The following PLEKHG1 variants were observed in gnomAD, a reference collection of about 807,000 sequenced individuals.
PLEKHG1 encodes pleckstrin homology and RhoGEF domain containing G1.
In PLEKHG1, 44 loss-of-function variants were observed where a neutral mutation model predicts 100.8. That is an observed-to-expected ratio of 0.44 (90% CI 0.34 to 0.56). The LOEUF (loss-of-function observed/expected upper bound fraction) is 0.56. Among genes scored for constraint, PLEKHG1 ranks in the 20% least tolerant of loss-of-function variants. The pLI is 0.01. For synonymous variants in PLEKHG1, 640 were observed against 662.5 expected (o/e 0.97, Z 0.52); for missense variants, 1,545 against 1,720.9 (o/e 0.90, Z 1.81).
chr6:150,747,246 G>A (rs1348059685), intron 2 of PLEKHG1, among the ~76,000 whole-genome samples: 1 of 152,234 alleles, frequency 6.6e-6, no homozygotes, highest in East Asian at 1.9e-4. Context: ...GTTGGGAGAA[G>A]TTTCCCATGG....
At chr6:150,804,474 C>T (rs1480741688) in intron 6 of PLEKHG1, 136 bp from the exon 8 acceptor site, 16 of 666,794 alleles carry the variant, frequency 2.4e-5, no homozygotes, top group African/African-American at 5.7e-5. Flanking sequence ...CATGAGCCAC[C>T]GCACCCAGCT....
At chr6:150,782,369 G>A (rs564586040) in intron 3 of PLEKHG1, among the ~76,000 whole-genome samples, 1 of 152,202 alleles carries the variant, frequency 6.6e-6, no homozygotes, top group African/African-American at 2.4e-5. Flanking sequence ...ACTCCAGCTT[G>A]GGCAGCAGAG....
intron 1 of PLEKHG1, among the ~76,000 whole-genome samples, chr6:150,602,747 G>A (rs1582881071): frequency 2.0e-5 from 3 of 152,278 alleles, no homozygotes; most frequent in Admixed American, 2.0e-4. Flanking sequence ...TGTCAGAACT[G>A]TGATTTAACC....
At chr6:150,731,189 C>T (rs1174868789) in intron 1 of PLEKHG1, among the ~76,000 whole-genome samples, 4 of 152,244 alleles carry the variant, frequency 2.6e-5, no homozygotes, top group East Asian at 1.9e-4. Context: ...GGATTTTTGC[C>T]GCACCCAAGT....
At chr6:150,666,084 C>T (rs1280634612) in intron 3 of PLEKHG1, among the ~76,000 whole-genome samples, 1 of 152,158 alleles carries the variant, frequency 6.6e-6, no homozygotes, top group African/African-American at 2.4e-5. Flanking sequence ...AAAACAAAAG[C>T]ATAGCAACAG....
rs141731822 is a variant in PLEKHG1, at chr6:150,712,787, G to A, written c.-98-20797G>A. 2.2e-3 allele frequency among the ~76,000 whole-genome samples: 332 copies of A among 152,340 alleles called. 9 individuals carry two copies. In the South Asian group the frequency reaches 0.039, roughly 18 times the overall value. On this transcript the variant is annotated intron_variant, in intron 3 of 3. Coordinates refer to the PLEKHG1 transcript ENST00000367326. ...TAAACATAAGATGAAAGATGAGTCC[G>A]ACTGGGCTTATTCTCTAAGATTAGA...
At chr6:150,623,371 G>A (rs1464327242) in intron 1 of PLEKHG1, among the ~76,000 whole-genome samples, 1 of 152,166 alleles carries the variant, frequency 6.6e-6, no homozygotes, top group Non-Finnish European at 1.5e-5. Context: ...TAGCACCTGC[G>A]TCCTCCATCA....
intron 4 of PLEKHG1, among the ~76,000 whole-genome samples, chr6:150,792,005 A>G (rs896636991): frequency 3.9e-5 from 6 of 152,228 alleles, no homozygotes; most frequent in African/African-American, 1.4e-4. Context: ...TTATGTTAGC[A>G]TCATTGAGAA....
Position 150,831,150 on chromosome 6 carries a change from A to T in PLEKHG1, c.2039A>T (p.Glu680Val), listed in dbSNP as rs551917592. The change falls in exon 15 of 16, where the codon GAA (glutamate) becomes GTA (valine). Residue 680 changes from glutamate (E) to valine (V), a missense_variant. Physicochemically the swap from Glu to Val is moderately radical, Grantham distance 121. Coordinates refer to ENST00000358517, the Ensembl canonical transcript of PLEKHG1. This position sits in a 1 kb window ranked among gnomAD's most constrained non-coding sequence, Gnocchi z 4.1. ...ATGGTTGCTAAGCGGGAAGAAGCTGAATCCACTCCCTCTAAATCAGCCAGG... is the reference window on the plus strand; with the variant it reads ...ATGGTTGCTAAGCGGGAAGAAGCTGTATCCACTCCCTCTAAATCAGCCAGG... 1 of 1,613,992 alleles carries T rather than the reference A, an allele frequency of 6.2e-7. No individual in the cohort carries two copies. The highest frequency in any genetic ancestry group is 2.2e-5 in the East Asian group (1 of 44,882).
At chr6:150,708,508 C>G (rs993294343) in intron 3 of PLEKHG1, among the ~76,000 whole-genome samples, 2 of 152,136 alleles carry the variant, frequency 1.3e-5, no homozygotes. Flanking sequence ...GTAAATCAGT[C>G]AGTCATTCCA....
At chr6:150,629,112 G>A (rs1433468042) in intron 1 of PLEKHG1, among the ~76,000 whole-genome samples, 1 of 152,176 alleles carries the variant, frequency 6.6e-6, no homozygotes, top group Admixed American at 6.5e-5. Context: ...GATGACTTTG[G>A]TACACACAGG....
At chr6:150,717,403 T>C (rs1271718669), upstream of PLEKHG1, among the ~76,000 whole-genome samples, 2 of 151,866 alleles carry the variant, frequency 1.3e-5, no homozygotes, top group Non-Finnish European at 2.9e-5. Flanking sequence ...CTCGAACTTC[T>C]GGCCTCAAGT....
intron 11 of PLEKHG1, among the ~76,000 whole-genome samples, chr6:150,818,690 C>T (rs796085106): frequency 1.4e-4 from 22 of 152,296 alleles, no homozygotes; most frequent in African/African-American, 5.1e-4. Flanking sequence ...CTTACAAAAG[C>T]AGGAGAGAAT....
At position 150,804,606 on chromosome 6, in the gene PLEKHG1, T is replaced by G. The variant is rs1285530081; in HGVS notation, c.781-4T>G. On this transcript the variant is annotated splice_polypyrimidine_tract_variant and splice_region_variant and intron_variant, in intron 6 of 15. Transcript: ENST00000358517. The stretch of plus-strand genomic sequence containing the variant: ...AAAAAAACCCTCGTTCTTTTTTGTT[T>G]AAGGAAATAGAAAACCACCTTGATA... 6 of 1,577,236 alleles carry G rather than the reference T, an allele frequency of 3.8e-6. No homozygotes were observed. The African/African-American group carries it at 6.9e-5, about 18-fold the overall frequency.
intron 3 of PLEKHG1, among the ~76,000 whole-genome samples, chr6:150,696,310 C>T (rs1049411017): frequency 2.4e-4 from 36 of 152,134 alleles, no homozygotes; most frequent in African/African-American, 8.7e-4. Flanking sequence ...GCTCTTTGAG[C>T]GACGTCTGCT....
chr6:150,809,236 G>A lies in PLEKHG1; in HGVS notation c.1044G>A (p.Leu348=), dbSNP rs756658182. The change falls in exon 8 of 16, where the codon CTG becomes CTA. Residue 348 remains leucine (L), a synonymous_variant. Coordinates refer to ENST00000358517, the Ensembl canonical transcript of PLEKHG1. ...CGCTCTTCCTCTTCGACAAGCTGCT[G>A]CTCATCACGAAGAAGAGAGATGACA... 1.9e-5 allele frequency: 31 copies of A among 1,614,080 alleles called. No individual in the cohort carries two copies. The South Asian group carries it at 3.3e-4, about 17-fold the overall frequency.
intron 2 of PLEKHG1, among the ~76,000 whole-genome samples, chr6:150,751,741 C>A (rs2128629391): frequency 6.6e-6 from 1 of 152,198 alleles, no homozygotes; most frequent in East Asian, 1.9e-4. Context: ...CTTAGTAGTC[C>A]AATTAATATA....
intron 3 of PLEKHG1, among the ~76,000 whole-genome samples, chr6:150,706,981 C>CTTTTTT (rs148489852): frequency 2.0e-5 from 1 of 50,912 alleles, no homozygotes; most frequent in Non-Finnish European, 4.0e-5. Context: ...TTTTTCTTTT[C>CTTTTTT]TTTTCTTTTT....
intron 1 of PLEKHG1, among the ~76,000 whole-genome samples, chr6:150,606,798 C>G (rs1464170540): frequency 6.6e-6 from 1 of 152,094 alleles, no homozygotes; most frequent in Non-Finnish European, 1.5e-5. Flanking sequence ...GTCACCCAAG[C>G]CCCTGGCACT....
Sources: gnomAD v4.1 joint callset for allele counts (sites outside exome capture counted in the v4.1 genomes callset) on GRCh38, gnomAD v4.1.1 for gene constraint, Gnocchi (gnomAD v3.1) non-coding constraint, MANE v1.5 for transcripts, NCBI Gene and HGNC (gene_info 2026-07-23, HGNC 2026-07-21) for gene names.